The following RELN variants were observed in gnomAD, a reference collection of about 807,000 sequenced individuals.
RELN encodes reelin.
In RELN, 108 loss-of-function variants were observed where a neutral mutation model predicts 427.6. The ratio of observed to expected loss-of-function variants is 0.25; its 90% confidence interval spans 0.22 to 0.30. The LOEUF is 0.30. Ranked by LOEUF, RELN falls within the 10% of genes least tolerant of loss-of-function variation. The pLI is 1.00. For synonymous variants in RELN, 1,524 were observed against 1,513.4 expected, an observed-to-expected ratio of 1.01 and a Z score of -0.16; for missense variants, 3,715 against 4,302.8, an observed-to-expected ratio of 0.86 and a Z score of 3.82.
chr7:103,632,280 T>C (rs1832486980), intron 19 of RELN, among the ~76,000 whole-genome samples: 2 of 152,248 alleles, frequency 1.3e-5, no homozygotes, highest in Admixed American at 1.3e-4. Flanking sequence ...AATAATGCTA[T>C]TCTTATGGCA....
At chr7:103,570,765 CGGATGACCCATGA>C (rs764838396) in intron 31 of RELN, among the ~76,000 whole-genome samples, 19 of 152,270 alleles carry the variant, frequency 1.2e-4, no homozygotes, top group Admixed American at 8.5e-4. Flanking sequence ...ATGAGGACCT[CGGATGACCCATGA>C]AGAAAATGTA....
chr7:103,850,250 G>A (rs1255873791), intron 2 of RELN, among the ~76,000 whole-genome samples: 3 of 152,210 alleles, frequency 2.0e-5, no homozygotes, highest in Non-Finnish European at 4.4e-5. Flanking sequence ...GGACCCAGGA[G>A]ACACCCCAAA....
At chr7:103,752,810 T>C (rs1791039440) in intron 5 of RELN, among the ~76,000 whole-genome samples, 1 of 152,216 alleles carries the variant, frequency 6.6e-6, no homozygotes, top group Non-Finnish European at 1.5e-5. Flanking sequence ...ATGACTTCAG[T>C]TCTTCCACAT....
At chr7:103,537,278 G>C (rs1214865555) in intron 45 of RELN, among the ~76,000 whole-genome samples, 1 of 151,904 alleles carries the variant, frequency 6.6e-6, no homozygotes, top group Non-Finnish European at 1.5e-5. Flanking sequence ...ATGCCACATA[G>C]TGCAACTCTA....
intron 2 of RELN, 46 bp downstream of exon 2, chr7:103,917,029 A>G (rs373853378): frequency 7.7e-7 from 1 of 1,297,104 alleles, no homozygotes; most frequent in Non-Finnish European, 1.1e-6. Flanking sequence ...AAGACCTATG[A>G]CTGTATAAAA....
intron 2 of RELN, among the ~76,000 whole-genome samples, chr7:103,898,236 G>C (rs264366): frequency 0.81 from 123,094 of 151,868 alleles, 50,154 homozygotes; most frequent in African/African-American, 0.9. Flanking sequence ...TTTCTAAACT[G>C]TCTTTATTTC....
chr7:103,795,647 T>G (rs1467332759), intron 3 of RELN, among the ~76,000 whole-genome samples: 2 of 152,172 alleles, frequency 1.3e-5, no homozygotes, highest in African/African-American at 4.8e-5. Context: ...ACTACTTTGT[T>G]TTTGCAAACA....
chr7:103,936,674 C>G lies in RELN; in HGVS notation c.227-19489G>C, dbSNP rs1252725773. The stretch of plus-strand genomic sequence containing the variant: ...TCCCTCCCCCAACTTTTCCCTCCCC[C>G]AAGAAATCTGCTGTTTCTTTTACTG... On this transcript the variant is annotated intron_variant, in intron 1 of 64. Coordinates refer to ENST00000428762, the MANE Select transcript of RELN (RefSeq NM_005045.4). 2.6e-5 allele frequency among the ~76,000 whole-genome samples: 4 copies of G among 152,038 alleles called. No individual in the cohort carries two copies. The East Asian group carries it at 7.7e-4, about 29-fold the overall frequency.
intron 1 of RELN, among the ~76,000 whole-genome samples, chr7:103,923,702 G>C (rs916549884): frequency 1.3e-5 from 2 of 152,120 alleles, no homozygotes; most frequent in African/African-American, 4.8e-5. Flanking sequence ...TGAGGAAGTA[G>C]CTGGCTGCCC....
chr7:103,577,156 G>A (rs1434286167), intron 28 of RELN, among the ~76,000 whole-genome samples: 7 of 152,142 alleles, frequency 4.6e-5, no homozygotes, highest in Non-Finnish European at 7.4e-5. Context: ...AAAGATTAAT[G>A]AAGGTTGTTA....
chr7:103,481,148 T>C (rs1828221607), intron 63 of RELN, among the ~76,000 whole-genome samples: 2 of 152,188 alleles, frequency 1.3e-5, no homozygotes, highest in African/African-American at 4.8e-5. Context: ...GGTATATTGG[T>C]GCCTCTGAAC....
At chr7:103,528,898 G>T (rs893052641) in intron 46 of RELN, among the ~76,000 whole-genome samples, 4 of 151,562 alleles carry the variant, frequency 2.6e-5, no homozygotes, top group Non-Finnish European at 5.9e-5. Flanking sequence ...AGCACTTTGG[G>T]AGGCCGAGGC....
chr7:103,566,362 C>A lies in RELN; in HGVS notation c.4798G>T (p.Asp1600Tyr). The change falls in exon 33 of 65, where the codon GAC (aspartate) becomes TAC (tyrosine). Residue 1600 changes from aspartate (D) to tyrosine (Y), a missense_variant. Transcript: ENST00000428762. ...ALDDVLIGMNDSSQTGFQDKF... is the reference protein window; with the variant it reads ...ALDDVLIGMNYSSQTGFQDKF... ...TCTTGAAATCCAGTTTGAGAGCTGT[C>A]ATTCATTCCTATAAGAACATCATCC... 1.2e-6 allele frequency: 2 copies of A among 1,614,120 alleles called. No individual in the cohort carries two copies. Among genetic ancestry groups the A allele is most frequent in the South Asian group, 1.1e-5 (1 of 91,076 alleles).
intron 56 of RELN, 41 bp from the exon 57 acceptor site, chr7:103,495,939 T>C: frequency 6.3e-7 from 1 of 1,599,856 alleles, no homozygotes; most frequent in South Asian, 1.1e-5. Flanking sequence ...TATTATTCTC[T>C]TGAGGAAAAT....
intron 11 of RELN, among the ~76,000 whole-genome samples, chr7:103,681,402 T>G (rs925168118): frequency 9.2e-5 from 14 of 152,216 alleles, no homozygotes; most frequent in African/African-American, 3.1e-4. Flanking sequence ...TATTTAATGT[T>G]AATATCATTC....
rs114306593 is a variant in RELN, at chr7:103,551,215, G to A, written c.6154C>T (p.His2052Tyr). ...TGGTAGCAGAGGGGCAGCAGAAGGT[G>A]CCAGGTCGCCCCGAAGTCCCTTGAA... Reference protein sequence around the residue: ...EFSRDFGATWHLLLPLCYHSS... With the variant: ...EFSRDFGATWYLLLPLCYHSS... The change falls in exon 41 of 65, where the codon CAC (histidine) becomes TAC (tyrosine). Residue 2052 changes from histidine to tyrosine, a missense_variant. This residue lies in a region of RELN where 1,310 missense variants were observed against 1,643.0 expected (regional missense o/e 0.80). Transcript: ENST00000428762. 6.2e-7 allele frequency: 1 copy of A among 1,614,112 alleles called. No homozygotes were observed. The highest frequency in any genetic ancestry group is 2.2e-5 in the East Asian group (1 of 44,872).
At position 103,988,147 on chromosome 7, in the gene RELN, T is replaced by G. The variant is rs1337782791; in HGVS notation, c.226+984A>C. Among the ~76,000 whole-genome samples, 1 of 152,218 alleles carries G rather than the reference T, an allele frequency of 6.6e-6. No individual in the cohort carries two copies. The highest frequency in any genetic ancestry group is 1.5e-5 in the Non-Finnish European group (1 of 68,038). On this transcript the variant is annotated intron_variant, in intron 1 of 64. Transcript: ENST00000428762. The surrounding 1 kb of genome is among the most constrained non-coding windows in gnomAD (Gnocchi z 4.9). ...AAATATTTTGGGGTTGAAATTCTAA[T>G]TAAATAGTGCCTGTCGCTGCTTAAA...
At chr7:103,913,027 C>A (rs1795405053) in intron 2 of RELN, among the ~76,000 whole-genome samples, 1 of 152,080 alleles carries the variant, frequency 6.6e-6, no homozygotes, top group Admixed American at 6.6e-5. Flanking sequence ...TCAAATCAGG[C>A]ATTGCTGGCT....
intron 1 of RELN, among the ~76,000 whole-genome samples, chr7:103,943,848 CA>C (rs10631941): frequency 5.9e-4 from 45 of 76,432 alleles, no homozygotes; most frequent in Middle Eastern, 0.011. Context: ...ATTCTGTCTC[CA>C]AAAAAAAAAA....
Sources: allele counts gnomAD v4.1 joint callset (sites outside exome capture counted in the v4.1 genomes callset), GRCh38; gene constraint gnomAD v4.1.1; regional missense constraint gnomAD v4.1.1; non-coding constraint Gnocchi (gnomAD v3.1); transcripts MANE v1.5; gene names NCBI Gene and HGNC (gene_info 2026-07-23, HGNC 2026-07-21).